RNF220: variants seen among roughly 807,000 people sequenced by gnomAD.
RNF220 encodes the protein ring finger protein 220, also known as E3 ubiquitin-protein ligase RNF220.
RNF220 carries 7 observed loss-of-function variants against 67.1 expected under a neutral mutation model. The observed-to-expected ratio is 0.10, with a 90% CI of 0.06 to 0.20. The LOEUF (loss-of-function observed/expected upper bound fraction) is 0.20. Ranked by LOEUF, RNF220 falls within the 10% of genes least tolerant of loss-of-function variation. RNF220 has a pLI of 1.00. For missense variants in RNF220, 565 were observed against 740.3 expected (o/e 0.76, Z 2.75); for synonymous variants, 270 against 283.2 (o/e 0.95, Z 0.47).
At chr1:44,506,462 A>AGGGGT (rs1357298646) in intron 2 of RNF220, among the ~76,000 whole-genome samples, 1 of 152,230 alleles carries the variant, frequency 6.6e-6, no homozygotes, top group African/African-American at 2.4e-5. Flanking sequence ...GAGTGAGGGC[A>AGGGGT]GGGGTGGGGT....
intron 2 of RNF220, among the ~76,000 whole-genome samples, chr1:44,462,398 T>C (rs1364426645): frequency 6.6e-6 from 1 of 152,132 alleles, no homozygotes; most frequent in Non-Finnish European, 1.5e-5. Flanking sequence ...ACTCATAATA[T>C]GTCGCTATAA....
intron 2 of RNF220, among the ~76,000 whole-genome samples, chr1:44,479,888 T>G (rs1324086171): frequency 6.6e-6 from 1 of 152,216 alleles, no homozygotes; most frequent in Non-Finnish European, 1.5e-5. Context: ...CTTGCAATGT[T>G]TTGCCTTAAG....
intron 2 of RNF220, among the ~76,000 whole-genome samples, chr1:44,481,264 G>C (rs78548277): frequency 0.014 from 2,095 of 152,014 alleles, 43 homozygotes; most frequent in African/African-American, 0.048. Context: ...CTCTGCAAAA[G>C]AATTTTAAAA....
intron 8 of RNF220, chr1:44,643,274 G>A (rs1232067722): frequency 1.3e-5 from 2 of 152,270 alleles, no homozygotes; most frequent in Non-Finnish European, 2.9e-5. Flanking sequence ...TTCAGGGCTT[G>A]AAAAATGGAG....
intron 2 of RNF220, among the ~76,000 whole-genome samples, chr1:44,603,885 C>T (rs1158863027): frequency 6.6e-6 from 1 of 152,254 alleles, no homozygotes; most frequent in Non-Finnish European, 1.5e-5. Flanking sequence ...TAATCAGTGC[C>T]CCACGGTCCA....
chr1:44,623,222 C>T (rs573574368), intron 4 of RNF220, among the ~76,000 whole-genome samples: 3 of 151,932 alleles, frequency 2.0e-5, no homozygotes, highest in South Asian at 2.1e-4. Context: ...CAGGTGTGTG[C>T]GTGTGTGTGT....
At chr1:44,592,594 G>A (rs755476777) in intron 2 of RNF220, among the ~76,000 whole-genome samples, 10 of 152,174 alleles carry the variant, frequency 6.6e-5, no homozygotes, top group Non-Finnish European at 1.0e-4. Context: ...GTGATTCCCC[G>A]CTTGGGGCAG....
intron 2 of RNF220, among the ~76,000 whole-genome samples, chr1:44,436,319 C>G (rs1186759138): frequency 6.6e-6 from 1 of 152,074 alleles, no homozygotes; most frequent in African/African-American, 2.4e-5. Context: ...GGCTTTCACC[C>G]TTAGTGGAAA....
intron 12 of RNF220, among the ~76,000 whole-genome samples, chr1:44,646,122 C>T (rs1226308132): frequency 6.6e-6 from 1 of 152,230 alleles, no homozygotes; most frequent in Non-Finnish European, 1.5e-5. Flanking sequence ...CTGCCTGGTG[C>T]TGCTGCCATT....
rs1198716423 is a variant in RNF220, at chr1:44,600,909, C to T, written c.626-13256C>T. Among the ~76,000 whole-genome samples the T allele has an allele frequency of 6.6e-6, 1 of 152,080 alleles. No individual in the cohort carries two copies. The highest frequency in any genetic ancestry group is 1.5e-5 in the Non-Finnish European group (1 of 68,024). ...TTCTTCCTCATCTCTTCAACAAGTA[C>T]TTATCTATCACACCTCAGCTTGTGT... On this transcript the variant is annotated intron_variant, in intron 2 of 14. Coordinates refer to ENST00000361799, the MANE Select transcript of RNF220 (RefSeq NM_018150.4). The surrounding 1 kb of genome is among the most constrained non-coding windows in gnomAD (Gnocchi z 4.0).
intron 2 of RNF220, among the ~76,000 whole-genome samples, chr1:44,418,716 G>A (rs1165758351): frequency 6.6e-6 from 1 of 151,664 alleles, no homozygotes; most frequent in East Asian, 1.9e-4. Flanking sequence ...TTCCTCATTA[G>A]GCAGGGAAGA....
intron 2 of RNF220, among the ~76,000 whole-genome samples, chr1:44,613,374 G>A (rs275108): frequency 3.2e-4 from 39 of 122,306 alleles, no homozygotes; most frequent in East Asian, 1.2e-3. Flanking sequence ...GGATGTTTCT[G>A]GATTAATAGG....
At chr1:44,438,869 G>A (rs933294661) in intron 2 of RNF220, among the ~76,000 whole-genome samples, 5 of 152,190 alleles carry the variant, frequency 3.3e-5, no homozygotes, top group Non-Finnish European at 5.9e-5. Context: ...ACCAAATGCT[G>A]ATTTGTTACT....
intron 2 of RNF220, among the ~76,000 whole-genome samples, chr1:44,550,012 C>T (rs2148252261): frequency 6.6e-6 from 1 of 152,380 alleles, no homozygotes; most frequent in Non-Finnish European, 1.5e-5. Context: ...CAGCCTGCAG[C>T]TCTGCGAGGA....
At chr1:44,424,706 C>T (rs914654117) in intron 2 of RNF220, among the ~76,000 whole-genome samples, 3 of 152,222 alleles carry the variant, frequency 2.0e-5, no homozygotes, top group Admixed American at 2.0e-4. Context: ...TCTGCCACTG[C>T]TCCTCCTCGG....
chr1:44,504,664 T>G lies in RNF220; in HGVS notation c.625+91942T>G, dbSNP rs191285906. On this transcript the variant is annotated intron_variant, in intron 2 of 14. Coordinates refer to ENST00000361799, the MANE Select transcript of RNF220 (RefSeq NM_018150.4). ...AAAGTCCCCTCTTCCATATCTGATT[T>G]TGTAAGCAGCTTCTGATACCTCAGT... 5.3e-5 allele frequency among the ~76,000 whole-genome samples: 8 copies of G among 152,246 alleles called. No individual in the cohort carries two copies. In the East Asian group the frequency reaches 1.3e-3, roughly 26 times the overall value.
Position 44,649,550 on chromosome 1 carries a change from G to GA in RNF220, c.1446-110dup. ...TTATCAGAGAAAGGGGGCAGGCAGG[G>GA]ATGCCTAGGGGACATTTATGTATTT... On this transcript the variant is annotated intron_variant, in intron 12 of 14. Transcript: ENST00000361799. The surrounding 1 kb of genome is among the most constrained non-coding windows in gnomAD (Gnocchi z 5.9). The GA allele has an allele frequency of 1.1e-6, 1 of 949,852 alleles. No individual in the cohort carries two copies. The highest frequency in any genetic ancestry group is 1.7e-6 in the Non-Finnish European group (1 of 602,656). The allele number at this position is 949,852 out of a possible 1,614,324, so 58.8% of individuals were successfully genotyped here.
chr1:44,539,013 G>A (rs1661463497), intron 2 of RNF220, among the ~76,000 whole-genome samples: 1 of 151,332 alleles, frequency 6.6e-6, no homozygotes, highest in African/African-American at 2.4e-5. Flanking sequence ...CTGAGCTCAG[G>A]AGTTGGAGAC....
chr1:44,649,867 G>A lies in RNF220; in HGVS notation c.1555-16G>A. On this transcript the variant is annotated splice_polypyrimidine_tract_variant and intron_variant, in intron 13 of 14. Transcript: ENST00000361799. This position sits in a 1 kb window ranked among gnomAD's most constrained non-coding sequence, Gnocchi z 5.9. ...CCTACCTCAGAGTGACCCCTTCTCT[G>A]CCCCCTCCTCCCTAGGACTCGTACT... 6.2e-7 allele frequency: 1 copy of A among 1,613,958 alleles called. No homozygotes were observed. The highest frequency in any genetic ancestry group is 8.5e-7 in the Non-Finnish European group (1 of 1,179,910).
Sources: gnomAD v4.1 joint callset for allele counts (sites outside exome capture counted in the v4.1 genomes callset) on GRCh38, gnomAD v4.1.1 for gene constraint, Gnocchi (gnomAD v3.1) non-coding constraint, MANE v1.5 for transcripts, NCBI Gene and HGNC (gene_info 2026-07-23, HGNC 2026-07-21) for gene names.